Variants in CXCL13 observed in about 807,000 individuals in gnomAD.
The protein encoded by CXCL13 is C-X-C motif chemokine ligand 13, also known as C-X-C motif chemokine 13.
Under a neutral mutation model 12.2 loss-of-function variants are expected in CXCL13, and 7 were observed. The observed-to-expected ratio is 0.57, with a 90% CI of 0.33 to 1.07. The LOEUF is 1.07. Ranked by LOEUF, CXCL13 falls within the 50% of genes least tolerant of loss-of-function variation. The pLI is 0.04. For missense variants in CXCL13, 113 were observed against 127.4 expected, an observed-to-expected ratio of 0.89 and a Z score of 0.55; for synonymous variants, 47 against 42.4, an observed-to-expected ratio of 1.11 and a Z score of -0.42.
chr4:77,594,089 C>T (rs1726686116), intron 1 of CXCL13, among the ~76,000 whole-genome samples: 1 of 152,182 alleles, frequency 6.6e-6, no homozygotes, highest in African/African-American at 2.4e-5. Flanking sequence ...CTTGGTAATA[C>T]ATGCTGCAGG....
intron 1 of CXCL13, among the ~76,000 whole-genome samples, chr4:77,599,167 GA>G (rs576896320): frequency 5.3e-5 from 8 of 151,700 alleles, no homozygotes; most frequent in East Asian, 1.9e-4. Flanking sequence ...AGAGCTAGAG[GA>G]AAAAAAACAT....
chr4:77,577,613 T>G (rs1038283307), intron 1 of CXCL13, among the ~76,000 whole-genome samples: 1 of 152,178 alleles, frequency 6.6e-6, no homozygotes. Context: ...AGGACGTACA[T>G]GGGTCAGAGT....
chr4:77,571,978 T>C (rs943236678), intron 1 of CXCL13, among the ~76,000 whole-genome samples: 1 of 151,752 alleles, frequency 6.6e-6, no homozygotes, highest in Non-Finnish European at 1.5e-5. Flanking sequence ...GCTTCACTCC[T>C]GAGCCAGCAA....
At chr4:77,551,136 A>G (rs1725505896) in intron 1 of CXCL13, among the ~76,000 whole-genome samples, 1 of 152,200 alleles carries the variant, frequency 6.6e-6, no homozygotes, top group African/African-American at 2.4e-5. Context: ...CAAAGTTAAC[A>G]TTGATATGTG....
At chr4:77,597,823 C>T (rs1314159063) in intron 1 of CXCL13, among the ~76,000 whole-genome samples, 2 of 152,164 alleles carry the variant, frequency 1.3e-5, no homozygotes, top group Non-Finnish European at 2.9e-5. Flanking sequence ...CAGGGACTAC[C>T]AAGAGGCACC....
chr4:77,512,744 A>G (rs1401801459), intron 1 of CXCL13, among the ~76,000 whole-genome samples: 2 of 152,152 alleles, frequency 1.3e-5, no homozygotes, highest in African/African-American at 2.4e-5. Context: ...GAAGGACACA[A>G]TTTAACCCAG....
intron 1 of CXCL13, among the ~76,000 whole-genome samples, chr4:77,523,314 G>T (rs1180427065): frequency 6.6e-6 from 1 of 152,146 alleles, no homozygotes. Context: ...TTTCCAACTT[G>T]GTTCCATTCT....
intron 1 of CXCL13, among the ~76,000 whole-genome samples, chr4:77,577,772 T>G (rs562072750): frequency 2.6e-5 from 4 of 152,292 alleles, no homozygotes; most frequent in African/African-American, 7.2e-5. Context: ...CTCTCCCTCA[T>G]GTACCTCGGG....
At chr4:77,579,653 C>T (rs1052566582) in intron 1 of CXCL13, among the ~76,000 whole-genome samples, 1 of 151,942 alleles carries the variant, frequency 6.6e-6, no homozygotes, top group African/African-American at 2.4e-5. Context: ...CTGTTAAGGA[C>T]CTTTTATTTT....
intron 1 of CXCL13, among the ~76,000 whole-genome samples, chr4:77,515,768 C>G (rs956406282): frequency 2.6e-5 from 4 of 152,202 alleles, no homozygotes; most frequent in Non-Finnish European, 4.4e-5. Flanking sequence ...GACAATTTGA[C>G]TTCCTCTTTT....
At chr4:77,580,152 A>T (rs1270179867) in intron 1 of CXCL13, among the ~76,000 whole-genome samples, 1 of 152,084 alleles carries the variant, frequency 6.6e-6, no homozygotes, top group Non-Finnish European at 1.5e-5. Context: ...GTACAATTAC[A>T]TTATTTGAGT....
At chr4:77,610,394 G>A (rs1260641913) in intron 2 of CXCL13, among the ~76,000 whole-genome samples, 1 of 151,948 alleles carries the variant, frequency 6.6e-6, no homozygotes, top group South Asian at 2.1e-4. Context: ...CGCAGCTTTG[G>A]ATTCAACCCC....
At chr4:77,570,363 A>C (rs1726040207) in intron 1 of CXCL13, among the ~76,000 whole-genome samples, 1 of 152,222 alleles carries the variant, frequency 6.6e-6, no homozygotes, top group African/African-American at 2.4e-5. Flanking sequence ...TTTGCAATCT[A>C]TGCCTCTGAC....
chr4:77,552,891 T>A (rs1725567783), intron 1 of CXCL13, among the ~76,000 whole-genome samples: 1 of 152,138 alleles, frequency 6.6e-6, no homozygotes, highest in Admixed American at 6.6e-5. Flanking sequence ...AGGCTGTTGA[T>A]CCAGGCCAGG....
intron 1 of CXCL13, among the ~76,000 whole-genome samples, chr4:77,524,020 T>C (rs1284481482): frequency 6.6e-6 from 1 of 152,226 alleles, no homozygotes; most frequent in African/African-American, 2.4e-5. Context: ...GACCCTGTTT[T>C]CCTGGGTATC....
At chr4:77,547,588 A>T (rs946380261) in intron 1 of CXCL13, among the ~76,000 whole-genome samples, 1 of 151,994 alleles carries the variant, frequency 6.6e-6, no homozygotes, top group East Asian at 1.9e-4. Context: ...TTTTCTTGGT[A>T]GATCTTCCTC....
chr4:77,570,246 C>A (rs1250001956), intron 1 of CXCL13, among the ~76,000 whole-genome samples: 2 of 152,142 alleles, frequency 1.3e-5, no homozygotes, highest in South Asian at 2.1e-4. Context: ...GCAATTGCAA[C>A]AAAAGCAAAA....
chr4:77,561,428 T>C lies in CXCL13; in HGVS notation c.-42-44396T>C, dbSNP rs77427047. ...TGCCTACCATGGGCCAGCCACATGTTTGATGCTTCATACAGTTCTAATTAT... is the reference window on the plus strand; with the variant it reads ...TGCCTACCATGGGCCAGCCACATGTCTGATGCTTCATACAGTTCTAATTAT... On this transcript the variant is annotated intron_variant, in intron 1 of 4. Transcript: ENST00000286758. Among the ~76,000 whole-genome samples, 1,413 of 152,324 alleles carry C rather than the reference T, an allele frequency of 9.3e-3. 18 individuals are homozygous for C. The highest frequency in any genetic ancestry group is 0.032 in the African/African-American group (1,326 of 41,566).
At chr4:77,538,990 T>C (rs995179923) in intron 1 of CXCL13, among the ~76,000 whole-genome samples, 1 of 151,818 alleles carries the variant, frequency 6.6e-6, no homozygotes. Context: ...AGAGCAGGAA[T>C]GAAAGTGTAC....
Sources: allele counts gnomAD v4.1 joint callset (sites outside exome capture counted in the v4.1 genomes callset), GRCh38; gene constraint gnomAD v4.1.1; transcripts MANE v1.5; gene names NCBI Gene and HGNC (gene_info 2026-07-23, HGNC 2026-07-21).